Variants in GNB1 observed in about 807,000 individuals in gnomAD.
GNB1 encodes the protein G protein subunit beta 1.
In GNB1, 2 loss-of-function variants were observed where a neutral mutation model predicts 42.9. The ratio of observed to expected loss-of-function variants is 0.05; its 90% confidence interval spans 0.02 to 0.15. The LOEUF (loss-of-function observed/expected upper bound fraction) is 0.15. Among genes scored for constraint, GNB1 ranks in the 10% least tolerant of loss-of-function variants. The pLI is 1.00. For synonymous variants in GNB1, 183 were observed against 174.7 expected (o/e 1.05, Z -0.38); for missense variants, 193 against 462.2 (o/e 0.42, Z 5.34).
chr1:1,837,604 G>A (rs1299976220), intron 2 of GNB1, among the ~76,000 whole-genome samples: 1 of 150,628 alleles, frequency 6.6e-6, no homozygotes, highest in Non-Finnish European at 1.5e-5. Flanking sequence ...TCTGTCACCA[G>A]GCTGGAGCAC....
intron 1 of GNB1, among the ~76,000 whole-genome samples, chr1:1,855,026 G>A (rs1253633523): frequency 6.6e-6 from 1 of 152,170 alleles, no homozygotes. Context: ...AGGCGCAGTG[G>A]CAGTCACCTG....
chr1:1,834,667 CTT>C (rs746491020), intron 2 of GNB1, among the ~76,000 whole-genome samples: 14 of 126,304 alleles, frequency 1.1e-4, no homozygotes, highest in East Asian at 2.3e-4. Context: ...ACTCCAAGCA[CTT>C]TTTTTTTTTT....
At chr1:1,831,560 T>C (rs539336529) in intron 2 of GNB1, among the ~76,000 whole-genome samples, 18 of 152,078 alleles carry the variant, frequency 1.2e-4, no homozygotes, top group African/African-American at 4.3e-4. Flanking sequence ...GCGATTCTCC[T>C]TCCTCAGCTT....
At position 1,825,370 on chromosome 1, in the gene GNB1, T is replaced by TA. The variant is rs1344472332; in HGVS notation, c.57+26dup. The TA allele has an allele frequency of 2.0e-5, 31 of 1,553,766 alleles. 1 individual carries two copies. The East Asian group carries it at 7.0e-4, about 35-fold the overall frequency. On this transcript the variant is annotated intron_variant, in intron 3 of 11. Transcript: ENST00000378609. Reference sequence around the variant, plus strand: ...TCTAACCTGAAACTCAAATGATTAATAAAACCAAGCACACACAACTACATA... The same window carrying TA: ...TCTAACCTGAAACTCAAATGATTAATAAAAACCAAGCACACACAACTACATA...
At chr1:1,810,545 A>G (rs1646761515) in intron 5 of GNB1, among the ~76,000 whole-genome samples, 1 of 151,934 alleles carries the variant, frequency 6.6e-6, no homozygotes, top group African/African-American at 2.4e-5. Context: ...CAAAAAAAAA[A>G]AAAAAAAAAA....
intron 2 of GNB1, among the ~76,000 whole-genome samples, chr1:1,836,117 C>CA (rs891545403): frequency 2.6e-4 from 39 of 150,092 alleles, no homozygotes; most frequent in Admixed American, 4.0e-4. Flanking sequence ...ACTCAAAAAA[C>CA]AAAAAAAACC....
chr1:1,877,477 C>T (rs1469810507), intron 1 of GNB1, among the ~76,000 whole-genome samples: 1 of 151,578 alleles, frequency 6.6e-6, no homozygotes, highest in South Asian at 2.1e-4. Context: ...CTGTATGTTC[C>T]TAATTTCCCT....
intron 5 of GNB1, among the ~76,000 whole-genome samples, chr1:1,810,914 C>T (rs971800802): frequency 4.0e-5 from 6 of 151,698 alleles, no homozygotes; most frequent in South Asian, 2.1e-4. Context: ...GTGATCCACC[C>T]GCCTTAGCCT....
intron 2 of GNB1, among the ~76,000 whole-genome samples, chr1:1,826,977 T>A (rs1647007837): frequency 6.6e-6 from 1 of 152,220 alleles, no homozygotes; most frequent in South Asian, 2.1e-4. Context: ...CAATTAGCTC[T>A]CACATGCAAG....
intron 1 of GNB1, among the ~76,000 whole-genome samples, chr1:1,861,411 G>A (rs1463668563): frequency 6.6e-6 from 1 of 152,052 alleles, no homozygotes; most frequent in Non-Finnish European, 1.5e-5. Flanking sequence ...TCCCACCGCT[G>A]CACTCCAGCC....
chr1:1,810,194 T>C (rs1021226149), intron 5 of GNB1, among the ~76,000 whole-genome samples: 1 of 151,738 alleles, frequency 6.6e-6, no homozygotes, highest in African/African-American at 2.4e-5. Context: ...GCCTCCCAAA[T>C]AGCTGGGACT....
chr1:1,857,607 G>T (rs1648377588), intron 1 of GNB1, among the ~76,000 whole-genome samples: 1 of 152,040 alleles, frequency 6.6e-6, no homozygotes, highest in South Asian at 2.1e-4. Flanking sequence ...AAGGGAACAT[G>T]GGTAGGCCAA....
rs376752952 is a variant in GNB1 at position 1,854,787 on chromosome 1, C to T, written c.-95-15549G>A. 1.0e-3 allele frequency among the ~76,000 whole-genome samples: 157 copies of T among 152,324 alleles called. 4 individuals carry two copies. The South Asian group carries it at 0.017, about 16-fold the overall frequency. ...GTGGCTCACACCCGTAATCCCCGCA[C>T]TTTGGGAAGCCGAGGTGGATGGATC... On this transcript the variant is annotated intron_variant, in intron 1 of 11. Transcript: ENST00000378609.
chr1:1,814,838 C>A (rs1333552568), intron 5 of GNB1, among the ~76,000 whole-genome samples: 1 of 146,054 alleles, frequency 6.8e-6, no homozygotes, highest in South Asian at 2.2e-4. Context: ...AGAGGCTGGG[C>A]GTAGTGGCTC....
intron 2 of GNB1, among the ~76,000 whole-genome samples, chr1:1,832,536 CT>C (rs1446383422): frequency 6.6e-6 from 1 of 152,208 alleles, no homozygotes; most frequent in African/African-American, 2.4e-5. Context: ...GGATCTGCCC[CT>C]ACTTTAGAAC....
chr1:1,865,768 A>G (rs1422040383), intron 1 of GNB1, among the ~76,000 whole-genome samples: 1 of 152,208 alleles, frequency 6.6e-6, no homozygotes, highest in African/African-American at 2.4e-5. Flanking sequence ...TAACTTGAGA[A>G]AGCTTTTAAA....
chr1:1,886,761 C>T (rs1176317493), intron 1 of GNB1, among the ~76,000 whole-genome samples: 3 of 152,178 alleles, frequency 2.0e-5, no homozygotes, highest in Non-Finnish European at 4.4e-5. Context: ...GGCTGGAGTG[C>T]AGTGGCCGAT....
Position 1,790,470 on chromosome 1 carries a change from G to T in GNB1, c.624C>A (p.Ala208=). 1 of 1,613,940 alleles carries T rather than the reference G, an allele frequency of 6.2e-7. No homozygotes were observed. Among genetic ancestry groups the T allele is most frequent in the African/African-American group, 1.3e-5 (1 of 75,028 alleles). ...LFVSGACDAS[A]KLWDVREGMC... is the part of the protein sequence containing the mutation. ...TGCCTTCTCGCACATCCCAGAGTTTGGCTGAAGCATCACAAGCACCAGAGA... is the reference window on the plus strand; with the variant it reads ...TGCCTTCTCGCACATCCCAGAGTTTTGCTGAAGCATCACAAGCACCAGAGA... Residue 208 remains alanine, a synonymous_variant, in exon 9 of 12, where the codon GCC becomes GCA. Transcript: ENST00000378609. This position sits in a 1 kb window ranked among gnomAD's most constrained non-coding sequence, Gnocchi z 5.4.
intron 1 of GNB1, among the ~76,000 whole-genome samples, chr1:1,852,245 T>C (rs1368188076): frequency 2.0e-5 from 3 of 151,806 alleles, no homozygotes; most frequent in African/African-American, 7.3e-5. Flanking sequence ...CAAATTTTTT[T>C]TGAGACGGCA....
Sources: gnomAD v4.1 joint callset for allele counts (sites outside exome capture counted in the v4.1 genomes callset) on GRCh38, gnomAD v4.1.1 for gene constraint, Gnocchi (gnomAD v3.1) non-coding constraint, MANE v1.5 for transcripts, NCBI Gene and HGNC (gene_info 2026-07-23, HGNC 2026-07-21) for gene names.